ST3GAL3: variants seen among roughly 807,000 people sequenced by gnomAD.
ST3GAL3 encodes the protein ST3 beta-galactoside alpha-2,3-sialyltransferase 3.
ST3GAL3 carries 21 observed loss-of-function variants against 50.1 expected under a neutral mutation model. The observed-to-expected ratio is 0.42, with a 90% CI of 0.30 to 0.60. ST3GAL3 has a LOEUF of 0.60. ST3GAL3 is among the 20% of genes least tolerant of loss of function. ST3GAL3 has a pLI of 0.19. For missense variants in ST3GAL3, 353 were observed against 489.4 expected (o/e 0.72, Z 2.63); for synonymous variants, 183 against 190.0 (o/e 0.96, Z 0.30).
In ST3GAL3 at chr1:43,851,691, A is replaced by G. The variant is rs3791080; in HGVS notation, c.302+13380A>G. ...GCCAGCATCTTGTCATGTGAGGACC[A>G]CAGGTCAGCATCCTTGTGGGCCCTG... On this transcript the variant is annotated intron_variant, in intron 5 of 11. Transcript: ENST00000347631. 5.3e-5 allele frequency: 70 copies of G among 1,323,686 alleles called. 1 individual carries two copies. The East Asian group carries it at 1.6e-3, about 30-fold the overall frequency. The allele number at this position is 1,323,686 out of a possible 1,614,324, so 82.0% of individuals were successfully genotyped here. A position where few individuals can be genotyped will look rare whatever the true frequency, so the allele number is the denominator to read the frequency against.
chr1:43,874,292 A>C (rs1487608194), intron 5 of ST3GAL3, among the ~76,000 whole-genome samples: 1 of 152,226 alleles, frequency 6.6e-6, no homozygotes, highest in African/African-American at 2.4e-5. Flanking sequence ...GCAGCATGAA[A>C]GTAATACGTG....
At chr1:43,841,451 T>C (rs986193323) in intron 5 of ST3GAL3, 9 of 152,236 alleles carry the variant, frequency 5.9e-5, no homozygotes, top group Non-Finnish European at 8.8e-5. Flanking sequence ...TGTGCACTCT[T>C]AATACCACAT....
At position 43,899,357 on chromosome 1, in the gene ST3GAL3, G is replaced by A. The variant is rs1157025517; in HGVS notation, c.557+94G>A. On this transcript the variant is annotated intron_variant, in intron 8 of 11. Coordinates refer to ENST00000347631, the MANE Select transcript of ST3GAL3 (RefSeq NM_006279.5). This position sits in a 1 kb window ranked among gnomAD's most constrained non-coding sequence, Gnocchi z 5.4. ...AACTGTCTGTCTGGCTAGTTGGGCTGGAGGTCAACGGAAGCCTCAAGAACT... is the reference window on the plus strand; with the variant it reads ...AACTGTCTGTCTGGCTAGTTGGGCTAGAGGTCAACGGAAGCCTCAAGAACT... 1 of 1,606,102 alleles carries A rather than the reference G, an allele frequency of 6.2e-7. No homozygotes were observed.
At chr1:43,898,380 G>C in intron 7 of ST3GAL3, 82 bp downstream of exon 7, 1 of 1,427,174 alleles carries the variant, frequency 7.0e-7, no homozygotes, top group Non-Finnish European at 9.8e-7. Flanking sequence ...GCCTTCCCTG[G>C]ACATGGGCAG....
intron 5 of ST3GAL3, among the ~76,000 whole-genome samples, chr1:43,844,698 G>A (rs933623531): frequency 1.3e-5 from 2 of 152,094 alleles, no homozygotes; most frequent in African/African-American, 4.8e-5. Context: ...ACGGTGGCGG[G>A]CGCCTGTAGT....
chr1:43,905,740 G>A (rs1314437791), intron 9 of ST3GAL3, among the ~76,000 whole-genome samples: 16 of 77,756 alleles, frequency 2.1e-4, no homozygotes, highest in African/African-American at 5.9e-4. Context: ...TCCCCTTCCT[G>A]CCACTCTTCC....
At chr1:43,771,730 TTG>T (rs143955404) in intron 2 of ST3GAL3, among the ~76,000 whole-genome samples, 11,847 of 144,936 alleles carry the variant, frequency 0.082, 512 homozygotes, top group East Asian at 0.22. Flanking sequence ...TTTAATAAAG[TTG>T]TGTGTGTGTG....
intron 1 of ST3GAL3, among the ~76,000 whole-genome samples, chr1:43,717,849 C>A (rs1444044386): frequency 6.6e-6 from 1 of 151,658 alleles, no homozygotes; most frequent in Non-Finnish European, 1.5e-5. Context: ...AAGAACAGAA[C>A]AAATAATTAT....
intron 2 of ST3GAL3, among the ~76,000 whole-genome samples, chr1:43,784,087 C>T (rs1020360891): frequency 3.3e-5 from 5 of 152,250 alleles, no homozygotes; most frequent in Admixed American, 6.5e-5. Flanking sequence ...ACTTTCCATG[C>T]TTCAGTGCCT....
Position 43,736,375 on chromosome 1 carries a change from A to T in ST3GAL3, c.113A>T (p.Asp38Val), listed in dbSNP as rs373320485. Reference sequence around the variant, plus strand: ...CTACACTTACTCCAGTGGGAGGAGGACTCCAGTAAGTATAGTCACTCTAGC... The same window carrying T: ...CTACACTTACTCCAGTGGGAGGAGGTCTCCAGTAAGTATAGTCACTCTAGC... Reference protein sequence around the residue: ...WKLHLLQWEEDSNSVVLSFDS... With the variant: ...WKLHLLQWEEVSNSVVLSFDS... Residue 38 changes from aspartate to valine, a missense_variant, in exon 2 of 12, where the codon GAC (aspartate) becomes GTC (valine). Asp to Val is a radical substitution (Grantham distance 152). Coordinates refer to ENST00000347631, the MANE Select transcript of ST3GAL3 (RefSeq NM_006279.5). 2.5e-6 allele frequency: 4 copies of T among 1,613,952 alleles called. No homozygotes were observed. The South Asian group carries it at 4.4e-5, about 18-fold the overall frequency.
At chr1:43,851,562 C>T (rs2067308685) in intron 5 of ST3GAL3, 2 of 1,558,476 alleles carry the variant, frequency 1.3e-6, no homozygotes, top group Non-Finnish European at 1.8e-6. Flanking sequence ...CAAAACTGCC[C>T]AGCTGGCGAA....
chr1:43,779,523 G>A (rs916320535), intron 2 of ST3GAL3, among the ~76,000 whole-genome samples: 8 of 152,082 alleles, frequency 5.3e-5, no homozygotes, highest in Non-Finnish European at 1.2e-4. Flanking sequence ...AACTTGTTTG[G>A]TTTTTTAACC....
chr1:43,812,991 TGAAAA>T (rs1251759231), intron 3 of ST3GAL3, among the ~76,000 whole-genome samples: 2 of 152,170 alleles, frequency 1.3e-5, no homozygotes, highest in Non-Finnish European at 2.9e-5. Context: ...AACAGTGAAT[TGAAAA>T]GAAAAGACAT....
intron 3 of ST3GAL3, among the ~76,000 whole-genome samples, chr1:43,812,912 G>A (rs1027724060): frequency 6.6e-6 from 1 of 152,060 alleles, no homozygotes; most frequent in Admixed American, 6.6e-5. Flanking sequence ...CAAAACTTAA[G>A]ATGCCATTGA....
chr1:43,832,555 G>A (rs1037343173), intron 4 of ST3GAL3, among the ~76,000 whole-genome samples: 8 of 152,178 alleles, frequency 5.3e-5, no homozygotes, highest in Admixed American at 3.9e-4. Context: ...CATGTGGGTA[G>A]ATGATGAAAC....
At chr1:43,860,533 G>A (rs1220300836) in intron 5 of ST3GAL3, among the ~76,000 whole-genome samples, 1 of 152,266 alleles carries the variant, frequency 6.6e-6, no homozygotes, top group Non-Finnish European at 1.5e-5. Context: ...TGCATGTAGA[G>A]TGAGGTTCAG....
intron 4 of ST3GAL3, 182 bp downstream of exon 4, chr1:43,815,115 G>T: frequency 1.4e-6 from 1 of 693,516 alleles, no homozygotes. Context: ...AGAGAGGGTG[G>T]GATGATGGGT....
intron 2 of ST3GAL3, among the ~76,000 whole-genome samples, chr1:43,771,038 C>A (rs1411462237): frequency 6.6e-6 from 1 of 152,186 alleles, no homozygotes; most frequent in African/African-American, 2.4e-5. Flanking sequence ...GCATGCCTTA[C>A]CTTCCTTAAT....
At chr1:43,793,723 G>C (rs2058359877) in intron 3 of ST3GAL3, among the ~76,000 whole-genome samples, 1 of 152,180 alleles carries the variant, frequency 6.6e-6, no homozygotes, top group Non-Finnish European at 1.5e-5. Context: ...TATAGTAAAA[G>C]ATTGGTCATT....
Sources: gnomAD v4.1 joint callset for allele counts (sites outside exome capture counted in the v4.1 genomes callset) on GRCh38, gnomAD v4.1.1 for gene constraint, Gnocchi (gnomAD v3.1) non-coding constraint, MANE v1.5 for transcripts, NCBI Gene and HGNC (gene_info 2026-07-23, HGNC 2026-07-21) for gene names.